SLC25A13: variants seen among roughly 807,000 people sequenced by gnomAD.
SLC25A13 encodes electrogenic aspartate/glutamate antiporter SLC25A13, mitochondrial.
SLC25A13 carries 70 observed loss-of-function variants against 85.5 expected under a neutral mutation model. That is an observed-to-expected ratio of 0.82 (90% CI 0.68 to 1.00). SLC25A13 has a LOEUF of 1.00. Ranked by LOEUF, SLC25A13 falls within the 50% of genes least tolerant of loss-of-function variation. SLC25A13 has a pLI of 0.00. For missense variants in SLC25A13, 765 were observed against 819.8 expected (o/e 0.93, Z 0.82); for synonymous variants, 259 against 288.7 (o/e 0.90, Z 1.04).
chr7:96,134,795 A>T lies in SLC25A13; in HGVS notation c.1453-2914T>A, dbSNP rs970231448. Among the ~76,000 whole-genome samples, 19 of 138,344 alleles carry T rather than the reference A, an allele frequency of 1.4e-4. 1 individual carries two copies. Among genetic ancestry groups the T allele is most frequent in the Admixed American group, 1.1e-3 (15 of 13,656 alleles). 90.8% of individuals were successfully genotyped at this position (138,344 alleles called of 152,430 possible). A position where few individuals can be genotyped will look rare whatever the true frequency, so the allele number is the denominator to read the frequency against. On this transcript the variant is annotated intron_variant, in intron 14 of 17. Transcript: ENST00000265631. ...AAAAACCAAACATACAAACAATTTTATATATATATATATATATAACCCTGA... is the reference window on the plus strand; with the variant it reads ...AAAAACCAAACATACAAACAATTTTTTATATATATATATATATAACCCTGA...
intron 2 of SLC25A13, among the ~76,000 whole-genome samples, chr7:96,280,092 A>T (rs1798612913): frequency 6.6e-6 from 1 of 152,148 alleles, no homozygotes; most frequent in South Asian, 2.1e-4. Context: ...CACTGCAGTC[A>T]GAGATGTTTC....
intron 2 of SLC25A13, among the ~76,000 whole-genome samples, chr7:96,285,257 A>G (rs1254460799): frequency 6.6e-6 from 1 of 152,036 alleles, no homozygotes; most frequent in African/African-American, 2.4e-5. Flanking sequence ...CCGCAACCCT[A>G]AGGCTGCCTA....
Position 96,321,964 on chromosome 7 carries a change from C to G in SLC25A13, c.-8G>C. On this transcript the variant is annotated 5_prime_UTR_variant, in exon 1 of 18. Coordinates refer to ENST00000265631, the MANE Select transcript of SLC25A13 (RefSeq NM_014251.3). The stretch of plus-strand genomic sequence containing the variant: ...TACCTTGGCGGCCGCCATGATTCGC[C>G]CCGGTTGCGGGCGACTGCGGGACCC... The G allele has an allele frequency of 6.5e-7, 1 of 1,540,632 alleles. No homozygotes were observed. The highest frequency in any genetic ancestry group is 8.7e-7 in the Non-Finnish European group (1 of 1,145,062).
rs146584532 is a variant in SLC25A13, at chr7:96,186,983, T to C, written c.934-1972A>G. 3.0e-3 allele frequency among the ~76,000 whole-genome samples: 456 copies of C among 152,336 alleles called. 2 individuals carry two copies. The highest frequency in any genetic ancestry group is 1.0e-2 in the African/African-American group (414 of 41,576). ...AGGTGGCTGTATTACAGTTGATCGT[T>C]ACTTTTTCTCTTTTTTTGTCCATCT... On this transcript the variant is annotated intron_variant, in intron 9 of 17. Coordinates refer to ENST00000265631, the MANE Select transcript of SLC25A13 (RefSeq NM_014251.3).
At chr7:96,235,040 C>T in intron 3 of SLC25A13, 123 bp from the exon 4 acceptor site, 1 of 657,224 alleles carries the variant, frequency 1.5e-6, no homozygotes, top group Non-Finnish European at 2.7e-6. Context: ...AAACTGAAAA[C>T]ATTTATAAAC....
intron 4 of SLC25A13, among the ~76,000 whole-genome samples, chr7:96,229,497 G>A (rs1379593503): frequency 6.6e-6 from 1 of 152,090 alleles, no homozygotes; most frequent in Non-Finnish European, 1.5e-5. Flanking sequence ...AACCTGCTCT[G>A]GTCCCCTTCC....
chr7:96,306,942 G>A (rs117447963), intron 1 of SLC25A13: 18,776 of 914,556 alleles, frequency 0.021, 250 homozygotes, highest in Non-Finnish European at 0.025. Flanking sequence ...CACCACACTC[G>A]CATTTCCTCC....
chr7:96,153,277 G>C (rs1793120565), intron 13 of SLC25A13, among the ~76,000 whole-genome samples: 2 of 152,176 alleles, frequency 1.3e-5, no homozygotes, highest in Admixed American at 1.3e-4. Context: ...AACAACTAAA[G>C]TTCTGATGCA....
chr7:96,235,671 T>C (rs1796718415), intron 3 of SLC25A13, among the ~76,000 whole-genome samples: 1 of 152,144 alleles, frequency 6.6e-6, no homozygotes, highest in Non-Finnish European at 1.5e-5. Flanking sequence ...GGGAAACTGA[T>C]GAGTGACAGA....
chr7:96,130,390 G>C (rs1193074278), intron 15 of SLC25A13, among the ~76,000 whole-genome samples: 1 of 152,178 alleles, frequency 6.6e-6, no homozygotes, highest in Non-Finnish European at 1.5e-5. Context: ...TGTATGCTAA[G>C]AACTATGCCA....
intron 1 of SLC25A13, among the ~76,000 whole-genome samples, chr7:96,312,327 T>C (rs1799980072): frequency 1.3e-5 from 2 of 152,224 alleles, no homozygotes; most frequent in African/African-American, 2.4e-5. Context: ...AGGATTGTTA[T>C]GAAGATTGCA....
At chr7:96,293,857 T>G (rs1217985364) in intron 2 of SLC25A13, among the ~76,000 whole-genome samples, 1 of 152,208 alleles carries the variant, frequency 6.6e-6, no homozygotes, top group Non-Finnish European at 1.5e-5. Flanking sequence ...TCAACCATTG[T>G]GGAAGACAGT....
intron 11 of SLC25A13, among the ~76,000 whole-genome samples, chr7:96,179,114 GA>G (rs1329144147): frequency 1.3e-5 from 2 of 152,124 alleles, no homozygotes; most frequent in African/African-American, 4.8e-5. Context: ...TTATGGTCTG[GA>G]AAAAAATCAG....
chr7:96,126,126 T>C (rs1791717500), intron 15 of SLC25A13, among the ~76,000 whole-genome samples: 1 of 152,152 alleles, frequency 6.6e-6, no homozygotes. Flanking sequence ...TCTACCATAT[T>C]CTAGGTATGC....
intron 13 of SLC25A13, among the ~76,000 whole-genome samples, chr7:96,152,435 A>G (rs1273755958): frequency 6.6e-6 from 1 of 152,212 alleles, no homozygotes; most frequent in East Asian, 1.9e-4. Flanking sequence ...GAATTAGAAC[A>G]GTCATATCTA....
chr7:96,132,383 T>C (rs1792071784), intron 14 of SLC25A13, among the ~76,000 whole-genome samples: 2 of 152,210 alleles, frequency 1.3e-5, no homozygotes, highest in African/African-American at 4.8e-5. Flanking sequence ...TAAAAAATTA[T>C]ATCTTTTCAG....
At chr7:96,122,552 A>G (rs1791556311) in intron 15 of SLC25A13, among the ~76,000 whole-genome samples, 1 of 151,440 alleles carries the variant, frequency 6.6e-6, no homozygotes, top group Non-Finnish European at 1.5e-5. Context: ...AAAAAACACT[A>G]TGTGTGTTGG....
rs1794754473 is a variant in SLC25A13 at position 96,189,342 on chromosome 7, A to G, written c.885T>C (p.Pro295=). The change falls in exon 9 of 18, where the codon CCT becomes CCC. Residue 295 remains proline (P), a synonymous_variant. Coordinates refer to ENST00000265631, the MANE Select transcript of SLC25A13 (RefSeq NM_014251.3). ...TAAAGGGCAGAGTTCCCTCTTCCAG[A>G]GGAGCAATCCGTTCAATGTCTGCTA... is the stretch of plus-strand genomic sequence containing the variant. ...MTLADIERIA[P]LEEGTLPFNL... The G allele has an allele frequency of 1.9e-6, 3 of 1,614,226 alleles. No individual in the cohort carries two copies. The highest frequency in any genetic ancestry group is 2.5e-6 in the Non-Finnish European group (3 of 1,180,032).
intron 4 of SLC25A13, among the ~76,000 whole-genome samples, chr7:96,213,520 C>T (rs2116733207): frequency 6.6e-6 from 1 of 152,264 alleles, no homozygotes; most frequent in African/African-American, 2.4e-5. Context: ...TGAAAGACTC[C>T]AGGAGTCAAA....
Sources: gnomAD v4.1 joint callset for allele counts (sites outside exome capture counted in the v4.1 genomes callset) on GRCh38, gnomAD v4.1.1 for gene constraint, MANE v1.5 for transcripts, NCBI Gene and HGNC (gene_info 2026-07-23, HGNC 2026-07-21) for gene names.